The following NAV3 variants were observed in gnomAD, a reference collection of about 807,000 sequenced individuals.
The protein encoded by NAV3 is pore membrane and/or filament interacting like protein 1.
Under a neutral mutation model 244.7 loss-of-function variants are expected in NAV3, and 87 were observed. The observed-to-expected ratio is 0.36, with a 90% confidence interval of 0.30 to 0.42. The LOEUF (loss-of-function observed/expected upper bound fraction) is 0.42. Ranked by LOEUF, NAV3 falls within the 20% of genes least tolerant of loss-of-function variation. The pLI is 1.00. For missense variants in NAV3, 2,663 were observed against 2,893.3 expected (o/e 0.92, Z 1.83); for synonymous variants, 1,126 against 1,042.2 (o/e 1.08, Z -1.55).
At chr12:77,588,036 A>T (rs995306770) in intron 2 of NAV3, among the ~76,000 whole-genome samples, 2 of 152,190 alleles carry the variant, frequency 1.3e-5, no homozygotes, top group Admixed American at 6.5e-5. Flanking sequence ...TTCCATATGT[A>T]TTTTAAACAT....
At chr12:77,667,775 G>T (rs1380910809) in intron 2 of NAV3, among the ~76,000 whole-genome samples, 1 of 152,102 alleles carries the variant, frequency 6.6e-6, no homozygotes, top group Non-Finnish European at 1.5e-5. Context: ...GGGCAAATCT[G>T]CATCCTCCCT....
intron 2 of NAV3, among the ~76,000 whole-genome samples, chr12:77,653,554 C>T (rs542022839): frequency 2.0e-5 from 3 of 152,056 alleles, no homozygotes; most frequent in South Asian, 4.1e-4. Flanking sequence ...TTGATATTAT[C>T]GTGTGTTGGA....
intron 18 of NAV3, among the ~76,000 whole-genome samples, chr12:78,133,599 CT>C (rs1029949520): frequency 5.7e-4 from 86 of 151,612 alleles, no homozygotes; most frequent in Admixed American, 1.6e-3. Context: ...AGAAATTTTA[CT>C]ATAAAAAATC....
chr12:77,663,072 TAC>T (rs1457671373), intron 2 of NAV3, among the ~76,000 whole-genome samples: 20 of 152,342 alleles, frequency 1.3e-4, no homozygotes, highest in African/African-American at 4.8e-4. Context: ...TGTTGTAAAT[TAC>T]AGTCTTTAAG....
intron 1 of NAV3, among the ~76,000 whole-genome samples, chr12:77,921,572 T>C (rs1453199560): frequency 6.6e-6 from 1 of 152,110 alleles, no homozygotes; most frequent in African/African-American, 2.4e-5. Flanking sequence ...GGAAAGATTG[T>C]CTTATGATAA....
chr12:77,624,266 AAAGCTGTAAGCAT>A (rs2136886793), intron 2 of NAV3, among the ~76,000 whole-genome samples: 1 of 152,322 alleles, frequency 6.6e-6, no homozygotes, highest in African/African-American at 2.4e-5. Context: ...ACTCAGTGCA[AAAGCTGTAAGCAT>A]AATCGTTCAT....
At chr12:78,182,714 T>C (rs1237606084) in intron 30 of NAV3, among the ~76,000 whole-genome samples, 5 of 151,778 alleles carry the variant, frequency 3.3e-5, no homozygotes, top group African/African-American at 1.2e-4. Flanking sequence ...AAGTTTTACG[T>C]TTTTTTAATA....
At chr12:78,098,373 A>T (rs1258957908) in intron 12 of NAV3, among the ~76,000 whole-genome samples, 1 of 152,058 alleles carries the variant, frequency 6.6e-6, no homozygotes, top group African/African-American at 2.4e-5. Context: ...TCATGATATT[A>T]CTATAAAACA....
rs74953062 is a variant in NAV3 at position 77,687,398 on chromosome 12, T to C, written c.72+115132T>C. On this transcript the variant is annotated intron_variant, in intron 2 of 8. Transcript: ENST00000550042. ...TAAGAAAGCCGTATTAGAGCCCATA[T>C]TCATCAGTGAGTCCTTAAGTATACA... Among the ~76,000 whole-genome samples the C allele has an allele frequency of 5.5e-3, 839 of 152,174 alleles. 11 individuals carry two copies. Among genetic ancestry groups the C allele is most frequent in the Non-Finnish European group, 8.0e-3 (542 of 67,982 alleles).
intron 12 of NAV3, among the ~76,000 whole-genome samples, chr12:78,092,562 C>T (rs966227701): frequency 1.6e-5 from 2 of 122,420 alleles, no homozygotes; most frequent in Non-Finnish European, 3.1e-5. Flanking sequence ...TGCAGTGGTG[C>T]GATCTTGGTT....
chr12:78,175,864 G>C (rs901546491), intron 25 of NAV3, among the ~76,000 whole-genome samples: 5 of 151,872 alleles, frequency 3.3e-5, no homozygotes, highest in Non-Finnish European at 7.4e-5. Context: ...TGGGCATAGA[G>C]ATGAAGGAAA....
intron 1 of NAV3, among the ~76,000 whole-genome samples, chr12:77,913,854 C>G (rs946119680): frequency 6.6e-6 from 1 of 152,078 alleles, no homozygotes; most frequent in Non-Finnish European, 1.5e-5. Context: ...TGTTTCCCTT[C>G]TTTCTGATGA....
chr12:77,833,164 A>G (rs1389794847), intron 1 of NAV3, among the ~76,000 whole-genome samples: 1 of 152,088 alleles, frequency 6.6e-6, no homozygotes, highest in African/African-American at 2.4e-5. Flanking sequence ...AATTATCTGG[A>G]TAATTTCTTT....
intron 9 of NAV3, among the ~76,000 whole-genome samples, chr12:78,039,038 A>G (rs1480321027): frequency 6.6e-6 from 1 of 152,144 alleles, no homozygotes; most frequent in African/African-American, 2.4e-5. Flanking sequence ...TTGTATTTAT[A>G]TGATTATTCT....
chr12:77,600,948 CT>C (rs1395019852), intron 2 of NAV3, among the ~76,000 whole-genome samples: 2 of 151,884 alleles, frequency 1.3e-5, no homozygotes, highest in African/African-American at 4.8e-5. Flanking sequence ...AGAAATGTAT[CT>C]GTATTAGATA....
rs756005980 is a variant in NAV3 at position 78,210,461 on chromosome 12, G to A, written c.7102G>A (p.Glu2368Lys). The change falls in exon 40 of 40, where the codon GAA becomes AAA. Residue 2368 changes from glutamate (E) to lysine (K), a missense_variant. Around this residue, in one of 6 missense-constraint regions of NAV3, gnomAD observed 543 missense variants for 672.4 expected, o/e 0.81. Coordinates refer to ENST00000397909, the MANE Select transcript of NAV3 (RefSeq NM_001024383.2). ...CTCGAGCACACAAAGCTGCGACAGC[G>A]AAAGCACCAGCCACCATGAAGACAT... ...NYSSTQSCDS[E>K]STSHHEDILD... The A allele has an allele frequency of 1.9e-6, 3 of 1,613,752 alleles. No homozygotes were observed. Among genetic ancestry groups the A allele is most frequent in the Non-Finnish European group, 2.5e-6 (3 of 1,179,862 alleles).
At chr12:78,032,989 A>G (rs1879252721) in intron 9 of NAV3, among the ~76,000 whole-genome samples, 1 of 152,188 alleles carries the variant, frequency 6.6e-6, no homozygotes, top group Non-Finnish European at 1.5e-5. Context: ...TCTGGAATTT[A>G]TATTCAACTG....
rs138023836 is a variant in NAV3 at position 77,877,763 on chromosome 12, G to C, written c.243+46059G>C. Among the ~76,000 whole-genome samples the C allele has an allele frequency of 7.2e-5, 11 of 152,214 alleles. No homozygotes were observed. In the East Asian group the frequency reaches 1.9e-3, roughly 27 times the overall value. ...ACATAGAGACTGTCTTCCGAAGCGT[G>C]CAGTATCATATTGGAAGTGACTGTG... On this transcript the variant is annotated intron_variant, in intron 1 of 39. Transcript: ENST00000397909.
chr12:78,055,761 G>T (rs1306223631), intron 11 of NAV3, among the ~76,000 whole-genome samples: 2 of 152,174 alleles, frequency 1.3e-5, no homozygotes, highest in Non-Finnish European at 2.9e-5. Context: ...GCATTCATTT[G>T]TCTAGAACAG....
Sources: gnomAD v4.1 joint callset for allele counts (sites outside exome capture counted in the v4.1 genomes callset) on GRCh38, gnomAD v4.1.1 for gene constraint, gnomAD v4.1.1 regional missense constraint, MANE v1.5 for transcripts, NCBI Gene and HGNC (gene_info 2026-07-23, HGNC 2026-07-21) for gene names.